MAN2A1: variants seen among roughly 807,000 people sequenced by gnomAD.
MAN2A1 encodes the protein alpha-mannosidase 2.
A neutral mutation model predicts 142.6 loss-of-function variants in MAN2A1; 76 were observed. That is an observed-to-expected ratio of 0.53 (90% CI 0.44 to 0.65). The LOEUF is 0.65. MAN2A1 is among the 30% of genes least tolerant of loss of function. The pLI, the probability that MAN2A1 is intolerant of heterozygous loss-of-function variation, is 0.00. For synonymous variants in MAN2A1, 559 were observed against 473.2 expected (o/e 1.18, Z -2.35); for missense variants, 1,311 against 1,365.1 (o/e 0.96, Z 0.62).
chr5:109,796,351 A>G (rs1482794590), intron 12 of MAN2A1, among the ~76,000 whole-genome samples: 1 of 152,228 alleles, frequency 6.6e-6, no homozygotes, highest in Admixed American at 6.5e-5. Flanking sequence ...AAGGATTTGC[A>G]TATTTTGAAT....
At chr5:109,704,724 A>G (rs1751081971) in intron 1 of MAN2A1, among the ~76,000 whole-genome samples, 1 of 152,212 alleles carries the variant, frequency 6.6e-6, no homozygotes, top group African/African-American at 2.4e-5. Flanking sequence ...GACTGCAGCA[A>G]TAACGATGAC....
intron 8 of MAN2A1, among the ~76,000 whole-genome samples, chr5:109,780,436 CAT>C (rs1753424529): frequency 6.6e-6 from 1 of 151,922 alleles, no homozygotes; most frequent in African/African-American, 2.4e-5. Context: ...GCTCAAAACA[CAT>C]GTCAGATAAG....
At chr5:109,738,304 A>G (rs1378403155) in intron 4 of MAN2A1, among the ~76,000 whole-genome samples, 4 of 150,418 alleles carry the variant, frequency 2.7e-5, no homozygotes, top group Admixed American at 6.6e-5. Context: ...CATTCATTCA[A>G]CAGACACTTC....
chr5:109,766,600 T>C (rs1752997571), intron 5 of MAN2A1, among the ~76,000 whole-genome samples: 1 of 152,158 alleles, frequency 6.6e-6, no homozygotes, highest in Non-Finnish European at 1.5e-5. Flanking sequence ...AATGACAGCC[T>C]CTGCAAACTA....
intron 4 of MAN2A1, among the ~76,000 whole-genome samples, chr5:109,751,578 A>T (rs1057294939): frequency 9.3e-5 from 14 of 150,638 alleles, no homozygotes; most frequent in South Asian, 4.2e-4. Context: ...TTTTTTTTTT[A>T]AATAAATCTT....
chr5:109,699,006 A>T (rs1358197265), intron 1 of MAN2A1, among the ~76,000 whole-genome samples: 1 of 152,130 alleles, frequency 6.6e-6, no homozygotes, highest in Non-Finnish European at 1.5e-5. Context: ...TTCCCTTTAT[A>T]AGAGATGAAG....
At chr5:109,775,248 C>G (rs1561505947) in intron 8 of MAN2A1, among the ~76,000 whole-genome samples, 2 of 152,030 alleles carry the variant, frequency 1.3e-5, no homozygotes, top group Non-Finnish European at 2.9e-5. Flanking sequence ...TCTTCAGGGA[C>G]TTACTGTTTT....
At chr5:109,730,079 G>A (rs1362911981) in intron 4 of MAN2A1, among the ~76,000 whole-genome samples, 1 of 152,028 alleles carries the variant, frequency 6.6e-6, no homozygotes, top group Non-Finnish European at 1.5e-5. Context: ...TTTTTTTTAA[G>A]TATATAATTA....
At chr5:109,738,033 C>G (rs1442684918) in intron 4 of MAN2A1, among the ~76,000 whole-genome samples, 1 of 152,076 alleles carries the variant, frequency 6.6e-6, no homozygotes, top group African/African-American at 2.4e-5. Flanking sequence ...CAGCTTTGTT[C>G]AGCTGCGTGA....
chr5:109,829,719 G>A (rs994754211), intron 16 of MAN2A1, among the ~76,000 whole-genome samples: 8 of 152,210 alleles, frequency 5.3e-5, no homozygotes, highest in African/African-American at 1.9e-4. Context: ...CTTGTCTGCA[G>A]CTGATCTGGA....
rs955894940 is a variant in MAN2A1, at chr5:109,868,400, G to A, written c.*1402G>A. The A allele has an allele frequency of 6.6e-6, 1 of 152,138 alleles. No individual in the cohort carries two copies. The highest frequency in any genetic ancestry group is 2.4e-5 in the African/African-American group (1 of 41,406). 9.4% of individuals were successfully genotyped at this position (152,138 alleles called of 1,614,324 possible). Reference sequence around the variant, plus strand: ...AACATTAAAATAATAGCGACATTTAGACTATGCAATTTTAGCATAGAAAGG... The same window carrying A: ...AACATTAAAATAATAGCGACATTTAAACTATGCAATTTTAGCATAGAAAGG... On this transcript the variant is annotated 3_prime_UTR_variant, in exon 22 of 22. Transcript: ENST00000261483.
At chr5:109,808,936 C>T (rs1015468179) in intron 12 of MAN2A1, among the ~76,000 whole-genome samples, 11 of 152,034 alleles carry the variant, frequency 7.2e-5, no homozygotes, top group African/African-American at 2.4e-4. Context: ...CTCCTTACCT[C>T]GGGTGATCTG....
intron 16 of MAN2A1, among the ~76,000 whole-genome samples, chr5:109,841,118 G>A (rs1580307562): frequency 6.6e-6 from 1 of 152,084 alleles, no homozygotes; most frequent in East Asian, 1.9e-4. Context: ...CTCTTTAGAA[G>A]GTCCTGTAAT....
intron 1 of MAN2A1, among the ~76,000 whole-genome samples, chr5:109,691,152 CAG>C (rs1158412735): frequency 9.9e-5 from 15 of 152,188 alleles, no homozygotes; most frequent in East Asian, 1.9e-4. Context: ...TTGTGGCAGA[CAG>C]GGGGAACCGA....
At position 109,830,775 on chromosome 5, in the gene MAN2A1, T is replaced by C. The variant is rs545858578; in HGVS notation, c.2566+6938T>C. On this transcript the variant is annotated intron_variant, in intron 16 of 21. Coordinates refer to ENST00000261483, the MANE Select transcript of MAN2A1 (RefSeq NM_002372.4). ...TGCTAAGGATTTTTTTCCCTGTTAATTGGAACTTTTAAAAATTGAAATAAG... is the reference window on the plus strand; with the variant it reads ...TGCTAAGGATTTTTTTCCCTGTTAACTGGAACTTTTAAAAATTGAAATAAG... 4.6e-5 allele frequency among the ~76,000 whole-genome samples: 7 copies of C among 152,342 alleles called. No individual in the cohort carries two copies. The South Asian group carries it at 1.0e-3, about 23-fold the overall frequency.
At chr5:109,804,372 CAA>C in intron 12 of MAN2A1, 1 of 680,262 alleles carries the variant, frequency 1.5e-6, no homozygotes, top group Non-Finnish European at 1.8e-6. Context: ...TTTTTTTAGG[CAA>C]GACAATTGTA....
chr5:109,697,224 C>G (rs1230462228), intron 1 of MAN2A1, among the ~76,000 whole-genome samples: 1 of 152,184 alleles, frequency 6.6e-6, no homozygotes, highest in Admixed American at 6.5e-5. Flanking sequence ...AGACTGTTTA[C>G]TTTTCAGTGT....
chr5:109,790,848 A>G (rs905463942), intron 12 of MAN2A1, among the ~76,000 whole-genome samples: 1 of 152,046 alleles, frequency 6.6e-6, no homozygotes, highest in Non-Finnish European at 1.5e-5. Flanking sequence ...GGGTGCTCTT[A>G]TGCTGGGTGC....
rs368212757 is a variant in MAN2A1 at position 109,842,311 on chromosome 5, TA to T, written c.2567-16del. ...TAATTTCTTTCTATTAATCCATATA[TA>T]TTTTTTTAAATTTAGGAATAGAAGG... On this transcript the variant is annotated splice_polypyrimidine_tract_variant and intron_variant, in intron 16 of 21. Coordinates refer to ENST00000261483, the MANE Select transcript of MAN2A1 (RefSeq NM_002372.4). The T allele has an allele frequency of 2.0e-5, 29 of 1,473,054 alleles. No individual in the cohort carries two copies. In the African/African-American group the frequency reaches 3.1e-4, roughly 16 times the overall value. The allele number at this position is 1,473,054 out of a possible 1,614,324, so 91.2% of individuals were successfully genotyped here.
Sources: allele counts gnomAD v4.1 joint callset (sites outside exome capture counted in the v4.1 genomes callset), GRCh38; gene constraint gnomAD v4.1.1; transcripts MANE v1.5; gene names NCBI Gene and HGNC (gene_info 2026-07-23, HGNC 2026-07-21).